The following GALNT16 variants were observed in gnomAD, a reference collection of about 807,000 sequenced individuals.
GALNT16 encodes UDP-GalNAc:polypeptide N-acetylgalactosaminyltransferase-like protein 1.
A neutral mutation model predicts 76.1 loss-of-function variants in GALNT16; 40 were observed. That is an observed-to-expected ratio of 0.53 (90% CI 0.41 to 0.68). The LOEUF (loss-of-function observed/expected upper bound fraction) is 0.68. Among genes scored for constraint, GALNT16 ranks in the 30% least tolerant of loss-of-function variants. The pLI, the probability that GALNT16 is intolerant of heterozygous loss-of-function variation, is 0.00. For synonymous variants in GALNT16, 276 were observed against 285.2 expected, an observed-to-expected ratio of 0.97 and a Z score of 0.32; for missense variants, 621 against 731.9, an observed-to-expected ratio of 0.85 and a Z score of 1.75.
chr14:69,289,004 G>T (rs2044655070), intron 1 of GALNT16, among the ~76,000 whole-genome samples: 1 of 152,042 alleles, frequency 6.6e-6, no homozygotes, highest in South Asian at 2.1e-4. Flanking sequence ...CAGCCTCCTG[G>T]GTAGCTAGGA....
At position 69,324,776 on chromosome 14, in the gene GALNT16, G is replaced by A; in HGVS notation, c.420G>A (p.Leu140=). 6.2e-7 allele frequency: 1 copy of A among 1,609,182 alleles called. No homozygotes were observed. The highest frequency in any genetic ancestry group is 2.2e-5 in the East Asian group (1 of 44,780). Residue 140 remains leucine (L), a synonymous_variant, in exon 3 of 15, where the codon CTG becomes CTA. Coordinates refer to ENST00000448469, the MANE Select transcript of GALNT16 (RefSeq NM_001168368.2). ...ACAATGAGGCCCGTTCCACCCTGCT[G>A]CGCACAGTGAAGAGGTAAGTCCAGC... ...TFHNEARSTL[L]RTVKSVLNRT... is the part of the protein sequence containing the mutation.
the GALNT16 span, among the ~76,000 whole-genome samples, chr14:69,384,608 AAGACAACC>A: frequency 6.6e-6 from 1 of 152,240 alleles, no homozygotes; most frequent in Non-Finnish European, 1.5e-5. Context: ...TAAAACCATA[AAGACAACC>A]ATTAATTTTT....
rs947630669 is a variant in GALNT16, at chr14:69,261,004, C to G, written c.177+537C>G. Among the ~76,000 whole-genome samples, 9 of 152,198 alleles carry G rather than the reference C, an allele frequency of 5.9e-5. No homozygotes were observed. The highest frequency in any genetic ancestry group is 1.0e-4 in the Non-Finnish European group (7 of 68,030). ...CCCTTCTGAGCCGGGTCAACTTGAACCCGCTTCTTCGGCGCGGACACCCAG... is the reference window on the plus strand; with the variant it reads ...CCCTTCTGAGCCGGGTCAACTTGAAGCCGCTTCTTCGGCGCGGACACCCAG... On this transcript the variant is annotated intron_variant, in intron 1 of 14. Coordinates refer to ENST00000448469, the MANE Select transcript of GALNT16 (RefSeq NM_001168368.2). The surrounding 1 kb of genome is among the most constrained non-coding windows in gnomAD (Gnocchi z 6.4).
chr14:69,317,621 A>G (rs1167746031), intron 1 of GALNT16, among the ~76,000 whole-genome samples: 1 of 152,216 alleles, frequency 6.6e-6, no homozygotes, highest in Admixed American at 6.5e-5. Context: ...CTATGAATAC[A>G]CAGGGCAGAC....
intron 1 of GALNT16, among the ~76,000 whole-genome samples, chr14:69,274,317 A>T (rs1412223700): frequency 6.6e-6 from 1 of 152,220 alleles, no homozygotes; most frequent in Non-Finnish European, 1.5e-5. Context: ...TATATTAGTT[A>T]TCTAATTCTG....
At chr14:69,362,307 G>A in the GALNT16 span, among the ~76,000 whole-genome samples, 2 of 152,226 alleles carry the variant, frequency 1.3e-5, no homozygotes, top group South Asian at 4.1e-4. Context: ...TCAGACATTC[G>A]TTTTGAGCTT....
intron 1 of GALNT16, among the ~76,000 whole-genome samples, chr14:69,309,654 A>G (rs1241434029): frequency 6.6e-6 from 1 of 152,042 alleles, no homozygotes; most frequent in Non-Finnish European, 1.5e-5. Flanking sequence ...CTTTAAGCTT[A>G]TATTCCTTTT....
chr14:69,342,755 G>A (rs1199943303), intron 12 of GALNT16, among the ~76,000 whole-genome samples: 1 of 152,114 alleles, frequency 6.6e-6, no homozygotes, highest in South Asian at 2.1e-4. Context: ...CAGGACAGTG[G>A]GCAATAAGCT....
Position 69,333,585 on chromosome 14 carries a change from G to C in GALNT16, c.952G>C (p.Gly318Arg), listed in dbSNP as rs774527868. 24 of 1,570,046 alleles carry C rather than the reference G, an allele frequency of 1.5e-5. No individual in the cohort carries two copies. The highest frequency in any genetic ancestry group is 2.7e-5 in the African/African-American group (2 of 74,046). Residue 318 changes from glycine (G) to arginine (R), a missense_variant, in exon 9 of 15, where the codon GGG (glycine) becomes CGG (arginine). Gly to Arg is a moderately radical substitution (Grantham distance 125, BLOSUM62 -2). Coordinates refer to ENST00000448469, the MANE Select transcript of GALNT16 (RefSeq NM_001168368.2). The surrounding 1 kb of genome is among the most constrained non-coding windows in gnomAD (Gnocchi z 4.2). ...GTATGATGCCCAGATGGACATCTGGGGGGGAGAGAATTTTGGTGAGTTGGG... is the reference window on the plus strand; with the variant it reads ...GTATGATGCCCAGATGGACATCTGGCGGGGAGAGAATTTTGGTGAGTTGGG... ...GKYDAQMDIW[G>R]GENFELSFRV... is the part of the protein sequence containing the mutation.
At chr14:69,293,670 C>T (rs1045998630) in intron 1 of GALNT16, among the ~76,000 whole-genome samples, 1 of 152,286 alleles carries the variant, frequency 6.6e-6, no homozygotes, top group Non-Finnish European at 1.5e-5. Context: ...GTCACTTAAC[C>T]TCTCCGTGCC....
intron 12 of GALNT16, among the ~76,000 whole-genome samples, chr14:69,343,127 C>G (rs1237056934): frequency 1.3e-5 from 2 of 152,196 alleles, no homozygotes; most frequent in Non-Finnish European, 2.9e-5. Flanking sequence ...ACGCCTCAAT[C>G]ATGTCTAAAA....
the GALNT16 span, among the ~76,000 whole-genome samples, chr14:69,370,645 A>T: frequency 2.0e-5 from 3 of 152,162 alleles, no homozygotes; most frequent in Non-Finnish European, 4.4e-5. Flanking sequence ...ATCTTGTTTC[A>T]TCTACACCCT....
the GALNT16 span, among the ~76,000 whole-genome samples, chr14:69,369,779 C>A: frequency 6.6e-6 from 1 of 152,274 alleles, no homozygotes; most frequent in African/African-American, 2.4e-5. Flanking sequence ...CAGCTGTCAA[C>A]TGTCAGCTTA....
At chr14:69,326,059 GCCCATCT>G in intron 5 of GALNT16, 32 bp downstream of exon 5, 1 of 1,545,734 alleles carries the variant, frequency 6.5e-7, no homozygotes, top group Non-Finnish European at 8.9e-7. Context: ...CCCACCAAGG[GCCCATCT>G]TGGTGTCATC....
intron 1 of GALNT16, among the ~76,000 whole-genome samples, chr14:69,303,771 T>G (rs1489274415): frequency 1.3e-5 from 2 of 152,206 alleles, no homozygotes. Context: ...CTTTCCTCCC[T>G]TTATTGTGCA....
At chr14:69,281,508 T>C (rs954355067) in intron 1 of GALNT16, among the ~76,000 whole-genome samples, 13 of 152,078 alleles carry the variant, frequency 8.5e-5, no homozygotes, top group African/African-American at 2.9e-4. Flanking sequence ...AGAAGGACAA[T>C]TGCAAAGCTG....
At chr14:69,380,548 G>A in the GALNT16 span, 1 of 1,363,682 alleles carries the variant, frequency 7.3e-7, no homozygotes. Context: ...TTATTTCCCA[G>A]CCTGTTGGGC....
chr14:69,317,469 A>G (rs1251174649), intron 1 of GALNT16, among the ~76,000 whole-genome samples: 1 of 152,174 alleles, frequency 6.6e-6, no homozygotes, highest in East Asian at 1.9e-4. Flanking sequence ...CATGAAAGGG[A>G]CCAGATGCTT....
chr14:69,274,636 A>G (rs1427431222), intron 1 of GALNT16, among the ~76,000 whole-genome samples: 1 of 152,202 alleles, frequency 6.6e-6, no homozygotes, highest in Non-Finnish European at 1.5e-5. Flanking sequence ...CAGAGCAAGC[A>G]ATCTGGGAGA....
Sources: gnomAD v4.1 joint callset for allele counts (sites outside exome capture counted in the v4.1 genomes callset) on GRCh38, gnomAD v4.1.1 for gene constraint, Gnocchi (gnomAD v3.1) non-coding constraint, MANE v1.5 for transcripts, NCBI Gene and HGNC (gene_info 2026-07-23, HGNC 2026-07-21) for gene names.